The following PREP variants were observed in gnomAD, a reference collection of about 807,000 sequenced individuals.
PREP encodes prolyl endopeptidase, also known as dJ355L5.1 (prolyl endopeptidase).
PREP carries 29 observed loss-of-function variants against 87.6 expected under a neutral mutation model. The ratio of observed to expected loss-of-function variants is 0.33; its 90% CI spans 0.25 to 0.45. The LOEUF (loss-of-function observed/expected upper bound fraction) is 0.45, where lower values mean the gene tolerates loss of function less well. Among genes scored for constraint, PREP ranks in the 20% least tolerant of loss-of-function variants. The pLI, the probability that PREP is intolerant of heterozygous loss-of-function variation, is 1.00. For synonymous variants in PREP, 337 were observed against 328.6 expected, an observed-to-expected ratio of 1.03 and a Z score of -0.28; for missense variants, 695 against 886.5, an observed-to-expected ratio of 0.78 and a Z score of 2.74.
At chr6:105,329,064 A>T (rs1248875503) in intron 8 of PREP, 38 bp from the exon 9 acceptor site, 6 of 1,564,132 alleles carry the variant, frequency 3.8e-6, no homozygotes, top group Admixed American at 1.7e-5. Flanking sequence ...AATGCAATTT[A>T]AAAAATTAAT....
intron 6 of PREP, among the ~76,000 whole-genome samples, chr6:105,368,234 T>G (rs1772445142): frequency 6.6e-6 from 1 of 152,186 alleles, no homozygotes; most frequent in African/African-American, 2.4e-5. Context: ...TTCAGAATGC[T>G]TCTCTAACAA....
chr6:105,327,649 G>A (rs565152057), intron 9 of PREP, among the ~76,000 whole-genome samples: 2 of 152,184 alleles, frequency 1.3e-5, no homozygotes, highest in Admixed American at 6.5e-5. Flanking sequence ...AGGGCCACTT[G>A]AGCACCTGCC....
chr6:105,297,945 T>C (rs1770445632), intron 10 of PREP, among the ~76,000 whole-genome samples: 1 of 152,238 alleles, frequency 6.6e-6, no homozygotes, highest in Non-Finnish European at 1.5e-5. Flanking sequence ...AGTACATCGA[T>C]ATGAAGCCTT....
chr6:105,356,973 C>A (rs73516007), intron 6 of PREP, among the ~76,000 whole-genome samples: 1 of 152,100 alleles, frequency 6.6e-6, no homozygotes, highest in African/African-American at 2.4e-5. Flanking sequence ...AAATTTTGAA[C>A]CTTTTATTTA....
chr6:105,336,441 A>T (rs1176120442), intron 7 of PREP, among the ~76,000 whole-genome samples: 2 of 152,194 alleles, frequency 1.3e-5, no homozygotes, highest in African/African-American at 2.4e-5. Context: ...GTCTATTAAA[A>T]AATGTTTCTC....
In PREP at chr6:105,373,532, A is replaced by C; in HGVS notation, c.432T>G (p.Ser144Arg). The C allele has an allele frequency of 1.2e-6, 2 of 1,614,194 alleles. No individual in the cohort carries two copies. Among genetic ancestry groups the C allele is most frequent in the Non-Finnish European group, 1.7e-6 (2 of 1,180,028 alleles). ...EDGEYFAYGL[S>R]ASGSDWVTIK... is the part of the protein sequence containing the mutation. ...TTGTCACCCAGTCTGAGCCACTGGC[A>C]CTCAGACCATAGGCAAAATATTCAC... is the stretch of plus-strand genomic sequence containing the variant. Residue 144 changes from serine (S) to arginine (R), a missense_variant, in exon 5 of 15, where the codon AGT (serine) becomes AGG (arginine). Ser to Arg is a moderately radical substitution (Grantham distance 110). Transcript: ENST00000652536.
chr6:105,354,215 T>C (rs1471550204), intron 6 of PREP, among the ~76,000 whole-genome samples: 1 of 152,202 alleles, frequency 6.6e-6, no homozygotes, highest in Non-Finnish European at 1.5e-5. Flanking sequence ...ACATCTATAT[T>C]ATTTGTTTTC....
chr6:105,360,319 T>C (rs1476204292), intron 6 of PREP, among the ~76,000 whole-genome samples: 2 of 152,154 alleles, frequency 1.3e-5, no homozygotes, highest in African/African-American at 4.8e-5. Context: ...GTCAGAAAAA[T>C]GGGGAAAGAA....
intron 11 of PREP, among the ~76,000 whole-genome samples, chr6:105,287,338 C>T (rs1770208971): frequency 6.6e-6 from 1 of 152,092 alleles, no homozygotes; most frequent in South Asian, 2.1e-4. Flanking sequence ...GAATGAACAG[C>T]AACCGTTATG....
At chr6:105,381,080 A>C (rs1772824659) in intron 2 of PREP, among the ~76,000 whole-genome samples, 1 of 152,222 alleles carries the variant, frequency 6.6e-6, no homozygotes, top group African/African-American at 2.4e-5. Context: ...GCTACCAAAT[A>C]ATTCTAGGAT....
chr6:105,400,088 C>T (rs1209835989), intron 1 of PREP, among the ~76,000 whole-genome samples: 1 of 152,154 alleles, frequency 6.6e-6, no homozygotes, highest in African/African-American at 2.4e-5. Context: ...CAGAGTTAAT[C>T]CCAGGAGCCA....
At position 105,313,461 on chromosome 6, in the gene PREP, G is replaced by A. The variant is rs117402871; in HGVS notation, c.1317+10204C>T. Reference sequence around the variant, plus strand: ...TGGCAAACTAAAATGTTGCCCCGGGGGTTTAAGAAAAGCAGGAAAAGATTA... The same window carrying A: ...TGGCAAACTAAAATGTTGCCCCGGGAGTTTAAGAAAAGCAGGAAAAGATTA... On this transcript the variant is annotated intron_variant, in intron 10 of 14. Transcript: ENST00000652536. Among the ~76,000 whole-genome samples the A allele has an allele frequency of 8.0e-3, 1,221 of 152,286 alleles. 10 individuals carry two copies. Among genetic ancestry groups the A allele is most frequent in the South Asian group, 0.023 (109 of 4,824 alleles).
At chr6:105,345,137 G>T (rs920987371) in intron 7 of PREP, among the ~76,000 whole-genome samples, 1 of 152,164 alleles carries the variant, frequency 6.6e-6, no homozygotes, top group Non-Finnish European at 1.5e-5. Flanking sequence ...CAAGAGAAAA[G>T]GTATTTCAGT....
rs1329906543 is a variant in PREP, at chr6:105,276,767, G to A, written c.*1377C>T. On this transcript the variant is annotated 3_prime_UTR_variant, in exon 15 of 15. Transcript: ENST00000652536. ...AGCTGTCTTTCAATATGCTTGGTAT[G>A]CAGTGATATGCTTGATAGAAAATGG... Among the ~76,000 whole-genome samples the A allele has an allele frequency of 6.6e-6, 1 of 152,176 alleles. No individual in the cohort carries two copies. The highest frequency in any genetic ancestry group is 2.4e-5 in the African/African-American group (1 of 41,446).
chr6:105,350,659 G>C (rs1771925117), intron 7 of PREP, among the ~76,000 whole-genome samples: 1 of 152,046 alleles, frequency 6.6e-6, no homozygotes, highest in Non-Finnish European at 1.5e-5. Flanking sequence ...AAACAAACAA[G>C]AGTTCTCTAA....
At chr6:105,339,070 C>T (rs1403816299) in intron 7 of PREP, among the ~76,000 whole-genome samples, 2 of 152,190 alleles carry the variant, frequency 1.3e-5, no homozygotes, top group East Asian at 1.9e-4. Flanking sequence ...GATCTGAGAA[C>T]GAACAGACTG....
chr6:105,384,818 G>A (rs1772942025), intron 2 of PREP, among the ~76,000 whole-genome samples: 2 of 152,194 alleles, frequency 1.3e-5, no homozygotes, highest in Admixed American at 1.3e-4. Context: ...AGGAGTGGCT[G>A]CTGGAAAAAT....
At chr6:105,355,515 G>A (rs1401966281) in intron 6 of PREP, among the ~76,000 whole-genome samples, 1 of 152,114 alleles carries the variant, frequency 6.6e-6, no homozygotes, top group Non-Finnish European at 1.5e-5. Flanking sequence ...TTTCTCCTCT[G>A]GCTGCTTTTA....
intron 9 of PREP, among the ~76,000 whole-genome samples, chr6:105,324,937 T>G (rs1771111233): frequency 6.6e-6 from 1 of 152,236 alleles, no homozygotes; most frequent in African/African-American, 2.4e-5. Flanking sequence ...ACGCTGACAG[T>G]AAGATGTATA....
Sources: allele counts gnomAD v4.1 joint callset (sites outside exome capture counted in the v4.1 genomes callset), GRCh38; gene constraint gnomAD v4.1.1; transcripts MANE v1.5; gene names NCBI Gene and HGNC (gene_info 2026-07-23, HGNC 2026-07-21).